Variants in IGSF9 observed in about 807,000 individuals in gnomAD.
IGSF9 encodes immunoglobulin superfamily member 9.
In IGSF9, 87 loss-of-function variants were observed where a neutral mutation model predicts 121.7. The ratio of observed to expected loss-of-function variants is 0.71; its 90% CI spans 0.60 to 0.85. The LOEUF is 0.85. IGSF9 is among the 40% of genes least tolerant of loss of function. IGSF9 has a pLI of 0.00. For missense variants in IGSF9, 1,462 were observed against 1,565.3 expected (o/e 0.93, Z 1.11); for synonymous variants, 640 against 648.4 (o/e 0.99, Z 0.20).
intron 14 of IGSF9, 23 bp downstream of exon 14, chr1:159,930,669 T>C: frequency 6.2e-7 from 1 of 1,613,714 alleles, no homozygotes; most frequent in Non-Finnish European, 8.5e-7. Flanking sequence ...GTCTCTGCTG[T>C]TCTGGGACGA....
At chr1:159,937,621 C>T in intron 4 of IGSF9, 65 bp downstream of exon 4, 2 of 1,559,548 alleles carry the variant, frequency 1.3e-6, no homozygotes, top group Non-Finnish European at 1.8e-6. Context: ...CTTTCTCCCA[C>T]CAGCCAGAGA....
chr1:159,943,383 A>C lies in IGSF9; in HGVS notation c.58+14T>G, dbSNP rs1450352800. 3 of 1,568,762 alleles carry C rather than the reference A, an allele frequency of 1.9e-6. No individual in the cohort carries two copies. The Admixed American group carries it at 5.7e-5, about 30-fold the overall frequency. On this transcript the variant is annotated intron_variant, in intron 2 of 20. Coordinates refer to ENST00000368094, the MANE Select transcript of IGSF9 (RefSeq NM_001135050.2). ...GGCTAACAGGGCATTCTTGAGCCCAAGAGCTCAGCTTACCGTCAGCCCCCT... is the reference window on the plus strand; with the variant it reads ...GGCTAACAGGGCATTCTTGAGCCCACGAGCTCAGCTTACCGTCAGCCCCCT...
Position 159,932,717 on chromosome 1 carries a change from T to C in IGSF9, c.1105-65A>G. On this transcript the variant is annotated intron_variant, in intron 9 of 20. Transcript: ENST00000368094. This position sits in a 1 kb window ranked among gnomAD's most constrained non-coding sequence, Gnocchi z 4.1. ...AGCAGAGACAAGCCCGGGATGGCAG[T>C]ACAAGAGAGGGGGCAGGATGAGAAA... The C allele has an allele frequency of 6.6e-7, 1 of 1,515,366 alleles. No homozygotes were observed. The highest frequency in any genetic ancestry group is 9.0e-7 in the Non-Finnish European group (1 of 1,117,108). The allele number at this position is 1,515,366 out of a possible 1,614,324, so 93.9% of individuals were successfully genotyped here.
Position 159,931,631 on chromosome 1 carries a change from A to G in IGSF9, c.1363-28T>C. The G allele has an allele frequency of 6.2e-7, 1 of 1,605,208 alleles. No homozygotes were observed. The highest frequency in any genetic ancestry group is 8.5e-7 in the Non-Finnish European group (1 of 1,174,086). On this transcript the variant is annotated intron_variant, in intron 11 of 20. Transcript: ENST00000368094. This position sits in a 1 kb window ranked among gnomAD's most constrained non-coding sequence, Gnocchi z 4.8. ...ACAGAACCACTGGTGAGCCCTGAGG[A>G]CACACGCAGCCACCCCTCACCAAAG...
Position 159,943,304 on chromosome 1 carries a change from G to C in IGSF9, c.58+93C>G, listed in dbSNP as rs537058754. 5 of 1,368,674 alleles carry C rather than the reference G, an allele frequency of 3.7e-6. No homozygotes were observed. The African/African-American group carries it at 7.3e-5, about 20-fold the overall frequency. The allele number at this position is 1,368,674 out of a possible 1,614,324, so 84.8% of individuals were successfully genotyped here. A position where few individuals can be genotyped will look rare whatever the true frequency, so the allele number is the denominator to read the frequency against. On this transcript the variant is annotated intron_variant, in intron 2 of 20. Transcript: ENST00000368094. ...CCAGAACCAGCCCTATTCCTCCCCTGCCCTCACATGCTCAAAGAGGAACCC... is the reference window on the plus strand; with the variant it reads ...CCAGAACCAGCCCTATTCCTCCCCTCCCCTCACATGCTCAAAGAGGAACCC...
intron 3 of IGSF9, among the ~76,000 whole-genome samples, chr1:159,938,677 G>A (rs1651281372): frequency 6.6e-6 from 1 of 152,222 alleles, no homozygotes; most frequent in Non-Finnish European, 1.5e-5. Context: ...GAGCCAGATA[G>A]ACCTAGGCAT....
chr1:159,943,088 C>A lies in IGSF9; in HGVS notation c.122G>T (p.Cys41Phe). ...CCGGCCGGCCGGGGGCAGCAGGTCA[C>A]AGCCCAGCACCACACTCTCCCCAGC... ...GRAGESVVLGCDLLPPAGRPP... is the reference protein window; with the variant it reads ...GRAGESVVLGFDLLPPAGRPP... The change falls in exon 3 of 21, where the codon TGT becomes TTT. Residue 41 changes from cysteine to phenylalanine, a missense_variant. Physicochemically the swap from Cys to Phe is radical, Grantham distance 205. Transcript: ENST00000368094. The A allele has an allele frequency of 1.2e-6, 2 of 1,612,332 alleles. No individual in the cohort carries two copies. The highest frequency in any genetic ancestry group is 1.7e-6 in the Non-Finnish European group (2 of 1,179,332).
rs757713493 is a variant in IGSF9, at chr1:159,929,361, A to C, written c.2359T>G (p.Ser787Ala). 1 of 1,614,178 alleles carries C rather than the reference A, an allele frequency of 6.2e-7. No individual in the cohort carries two copies. Among genetic ancestry groups the C allele is most frequent in the Non-Finnish European group, 8.5e-7 (1 of 1,180,002 alleles). ...PPLIFSPTGKSAAPSALGSGS... is the reference protein window; with the variant it reads ...PPLIFSPTGKAAAPSALGSGS... ...GGTGGAGGCACTTACGGTGCAGCTG[A>C]CTTCCCGGTCGGAGAGAAGATAAGA... The change falls in exon 18 of 21, where the codon TCA becomes GCA. Residue 787 changes from serine to alanine, a missense_variant. Coordinates refer to ENST00000368094, the MANE Select transcript of IGSF9 (RefSeq NM_001135050.2).
Position 159,928,939 on chromosome 1 carries a change from T to C in IGSF9, c.2449A>G (p.Ser817Gly). Residue 817 changes from serine to glycine, a missense_variant, in exon 19 of 21, where the codon AGT (serine) becomes GGT (glycine). By Grantham distance (56) the Ser-to-Gly change is moderately conservative. This residue lies in a region of IGSF9 where 808 missense variants were observed against 815.2 expected (regional missense o/e 0.99). Transcript: ENST00000368094. ...QGSPVPSLRQSLLWGDPAGTP... is the reference protein window; with the variant it reads ...QGSPVPSLRQGLLWGDPAGTP... ...CCGGCAGGATCCCCCCAGAGCAGAC[T>C]CTGGCGCAGGCTGGGGACTGGGGAT... 1 of 1,554,276 alleles carries C rather than the reference T, an allele frequency of 6.4e-7. No individual in the cohort carries two copies. Among genetic ancestry groups the C allele is most frequent in the Non-Finnish European group, 8.7e-7 (1 of 1,153,180 alleles).
intron 14 of IGSF9, 51 bp downstream of exon 14, chr1:159,930,641 C>A: frequency 1.9e-6 from 3 of 1,608,718 alleles, no homozygotes; most frequent in Non-Finnish European, 1.7e-6. Context: ...GCTCTCCCAG[C>A]AGCCCTTCCC....
At position 159,934,481 on chromosome 1, in the gene IGSF9, A is replaced by T; in HGVS notation, c.905T>A (p.Val302Glu). 1 of 1,609,218 alleles carries T rather than the reference A, an allele frequency of 6.2e-7. No homozygotes were observed. Among genetic ancestry groups the T allele is most frequent in the Non-Finnish European group, 8.5e-7 (1 of 1,177,840 alleles). ...TGGATGCAGGAGGCCATTGCTGGGC[A>T]CACAGGTGTAGCAGCCGGCATCATC... ...QPDDAGCYTC[V>E]PSNGLLHPPS... The change falls in exon 8 of 21, where the codon GTG becomes GAG. Residue 302 changes from valine (V) to glutamate (E), a missense_variant. By Grantham distance (121) the Val-to-Glu change is moderately radical. This residue lies in a region of IGSF9 where 558 missense variants were observed against 599.4 expected (regional missense o/e 0.93). Transcript: ENST00000368094.
In IGSF9 at chr1:159,943,518, G is replaced by T; in HGVS notation, c.-64C>A. 1 of 1,439,044 alleles carries T rather than the reference G, an allele frequency of 6.9e-7. No individual in the cohort carries two copies. The highest frequency in any genetic ancestry group is 1.4e-5 in the South Asian group (1 of 70,472). 89.1% of individuals were successfully genotyped at this position (1,439,044 alleles called of 1,614,324 possible). A position where few individuals can be genotyped will look rare whatever the true frequency, so the allele number is the denominator to read the frequency against. ...AGGAGCCCAGATGGAGGGGCCAAGG[G>T]ATGTCCTTCTGATCAGCTCAGGGAA... is the stretch of plus-strand genomic sequence containing the variant. On this transcript the variant is annotated 5_prime_UTR_variant, in exon 2 of 21. Coordinates refer to ENST00000368094, the MANE Select transcript of IGSF9 (RefSeq NM_001135050.2).
chr1:159,932,940 G>T lies in IGSF9; in HGVS notation c.1105-288C>A, dbSNP rs910077270. The T allele has an allele frequency of 5.3e-5, 16 of 304,386 alleles. No individual in the cohort carries two copies. The highest frequency in any genetic ancestry group is 8.5e-5 in the Non-Finnish European group (14 of 164,976). The allele number at this position is 304,386 out of a possible 1,614,324, so 18.9% of individuals were successfully genotyped here. On this transcript the variant is annotated intron_variant, in intron 9 of 20. Transcript: ENST00000368094. The surrounding 1 kb of genome is among the most constrained non-coding windows in gnomAD (Gnocchi z 4.1). Reference sequence around the variant, plus strand: ...GTAGTTGGGCCGCGTGGGGCTTCCTGCCTGCTGGGACTTCACCTGGCTCTC... The same window carrying T: ...GTAGTTGGGCCGCGTGGGGCTTCCTTCCTGCTGGGACTTCACCTGGCTCTC...
intron 1 of IGSF9, among the ~76,000 whole-genome samples, chr1:159,944,358 G>T (rs1350505627): frequency 6.6e-6 from 1 of 152,164 alleles, no homozygotes; most frequent in African/African-American, 2.4e-5. Context: ...CCACCTGCCA[G>T]TATGGGGGAT....
At position 159,928,745 on chromosome 1, in the gene IGSF9, G is replaced by A; in HGVS notation, c.2643C>T (p.Ala881=). ...TGCTGCTGCTACAGTCAAAGGACCG[G>A]GCCAGACGCTGGGCTGGAGTCCGAG... ...AEPRTPAQRL[A]RSFDCSSSSP... Residue 881 remains alanine (A), a synonymous_variant, in exon 19 of 21, where the codon GCC becomes GCT. Coordinates refer to ENST00000368094, the MANE Select transcript of IGSF9 (RefSeq NM_001135050.2). 2 of 1,478,440 alleles carry A rather than the reference G, an allele frequency of 1.4e-6. No homozygotes were observed. Among genetic ancestry groups the A allele is most frequent in the South Asian group, 2.8e-5 (2 of 71,808 alleles). 91.6% of individuals were successfully genotyped at this position (1,478,440 alleles called of 1,614,324 possible).
intron 6 of IGSF9, among the ~76,000 whole-genome samples, chr1:159,935,474 T>A (rs1651152199): frequency 6.6e-6 from 1 of 152,064 alleles, no homozygotes; most frequent in Non-Finnish European, 1.5e-5. Flanking sequence ...ATGCCTTTGC[T>A]CCCTGCACCC....
At position 159,931,826 on chromosome 1, in the gene IGSF9, C is replaced by A; in HGVS notation, c.1348G>T (p.Val450Phe). 6.3e-7 allele frequency: 1 copy of A among 1,578,932 alleles called. No individual in the cohort carries two copies. ...CSAQGDPPPV[V>F]SWTKVGRGLQ... ...AGGAGCCTTACCTTGGTCCAAGAGA[C>A]AACAGGAGGAGGGTCCCCTTGGGCG... The change falls in exon 11 of 21, where the codon GTC (valine) becomes TTC (phenylalanine). Residue 450 changes from valine (V) to phenylalanine (F), a missense_variant. Physicochemically the swap from Val to Phe is conservative, Grantham distance 50. Transcript: ENST00000368094. This position sits in a 1 kb window ranked among gnomAD's most constrained non-coding sequence, Gnocchi z 4.8.
chr1:159,933,333 T>C (rs546903146), intron 9 of IGSF9: 1 of 152,434 alleles, frequency 6.6e-6, no homozygotes, highest in East Asian at 1.9e-4. Flanking sequence ...CAACTGCCTG[T>C]AGACTTTTTT....
chr1:159,939,884 T>C (rs1651319951), intron 3 of IGSF9, among the ~76,000 whole-genome samples: 1 of 152,126 alleles, frequency 6.6e-6, no homozygotes, highest in Non-Finnish European at 1.5e-5. Context: ...AACATCATCA[T>C]ACCCTTCCAC....
Sources: gnomAD v4.1 joint callset for allele counts (sites outside exome capture counted in the v4.1 genomes callset) on GRCh38, gnomAD v4.1.1 for gene constraint, gnomAD v4.1.1 regional missense constraint, Gnocchi (gnomAD v3.1) non-coding constraint, MANE v1.5 for transcripts, NCBI Gene and HGNC (gene_info 2026-07-23, HGNC 2026-07-21) for gene names.